Variants in CACTIN observed in about 807,000 individuals in gnomAD.
CACTIN encodes the protein splicing factor Cactin.
In CACTIN, 20 loss-of-function variants were observed where a neutral mutation model predicts 84.9. The observed-to-expected ratio is 0.24, with a 90% CI of 0.17 to 0.34. The LOEUF (loss-of-function observed/expected upper bound fraction) is 0.34. CACTIN is among the 10% of genes least tolerant of loss of function. The pLI, the probability that CACTIN is intolerant of heterozygous loss-of-function variation, is 1.00. For synonymous variants in CACTIN, 549 were observed against 467.9 expected (o/e 1.17, Z -2.24); for missense variants, 897 against 1,117.2 (o/e 0.80, Z 2.81).
In CACTIN at chr19:3,620,162, C is replaced by T. The variant is rs754672253; in HGVS notation, c.849G>A (p.Gln283=). Residue 283 remains glutamine, a synonymous_variant, in exon 4 of 10, where the codon CAG becomes CAA. Transcript: ENST00000429344. Reference sequence around the variant, plus strand: ...CCTGCTGGAGGTGGAAGTTGTCCTCCTGCTCCTCCCATGTCTTGAAGTGCT... The same window carrying T: ...CCTGCTGGAGGTGGAAGTTGTCCTCTTGCTCCTCCCATGTCTTGAAGTGCT... ...EAEHFKTWEE[Q]EDNFHLQQAK... is the part of the protein sequence containing the mutation. 2 of 1,612,008 alleles carry T rather than the reference C, an allele frequency of 1.2e-6. No homozygotes were observed. The highest frequency in any genetic ancestry group is 2.2e-5 in the East Asian group (1 of 44,876).
intron 4 of CACTIN, among the ~76,000 whole-genome samples, chr19:3,619,904 C>T (rs1032490089): frequency 1.3e-5 from 2 of 152,084 alleles, no homozygotes; most frequent in African/African-American, 4.8e-5. Flanking sequence ...GTCCAGCATG[C>T]GTGGGGTGCC....
intron 6 of CACTIN, among the ~76,000 whole-genome samples, chr19:3,618,177 C>CCCGG (rs56057264): frequency 3.7e-5 from 4 of 108,042 alleles, no homozygotes; most frequent in African/African-American, 1.7e-4. Flanking sequence ...GCTTTTAGAC[C>CCCGG]GGGGGGGGGG....
chr19:3,624,319 C>T (rs543982416), intron 1 of CACTIN, among the ~76,000 whole-genome samples, 157 bp from the exon 2 acceptor site: 1 of 152,360 alleles, frequency 6.6e-6, no homozygotes, highest in Admixed American at 6.5e-5. Flanking sequence ...TGGGCTCACC[C>T]TCTGGTGGGC....
At chr19:3,617,871 C>T (rs557859391) in intron 6 of CACTIN, among the ~76,000 whole-genome samples, 1 of 152,308 alleles carries the variant, frequency 6.6e-6, no homozygotes, top group East Asian at 1.9e-4. Context: ...ACTGGAGGGA[C>T]AGGATGGCTG....
In CACTIN at chr19:3,623,973, C is replaced by T. The variant is rs550627659; in HGVS notation, c.357G>A (p.Ala119=). The T allele has an allele frequency of 1.0e-5, 16 of 1,603,884 alleles. No homozygotes were observed. Among genetic ancestry groups the T allele is most frequent in the East Asian group, 6.7e-5 (3 of 44,804 alleles). ...GGGGGCTCTGGGATCGCCCTGGAGA[C>T]GCGGAGCTGGATGCTGAGGAGCTAG... The part of the protein sequence containing the change: ...WSPSSSASSS[A]SPGRSQSPRA... The change falls in exon 2 of 10, where the codon GCG becomes GCA. Residue 119 remains alanine (A), a synonymous_variant. Coordinates refer to ENST00000429344, the MANE Select transcript of CACTIN (RefSeq NM_001080543.2).
At chr19:3,621,325 C>T (rs2033220818) in intron 2 of CACTIN, among the ~76,000 whole-genome samples, 1 of 152,302 alleles carries the variant, frequency 6.6e-6, no homozygotes, top group East Asian at 1.9e-4. Flanking sequence ...CAGGGGTGGC[C>T]ACTGATGGGC....
rs572622781 is a variant in CACTIN at position 3,611,701 on chromosome 19, C to T, written c.*222G>A. ...CCTCCGTTGCATCAGGACCCTAGGCCAGCCTGTCCCAGTGTCTCCTCAGCT... is the reference window on the plus strand; with the variant it reads ...CCTCCGTTGCATCAGGACCCTAGGCTAGCCTGTCCCAGTGTCTCCTCAGCT... On this transcript the variant is annotated 3_prime_UTR_variant, in exon 10 of 10. Transcript: ENST00000429344. The T allele has an allele frequency of 6.0e-4, 383 of 635,880 alleles. 3 individuals are homozygous for T. In the African/African-American group the frequency reaches 6.8e-3, roughly 11 times the overall value. 39.4% of individuals were successfully genotyped at this position (635,880 alleles called of 1,614,324 possible). A position where few individuals can be genotyped will look rare whatever the true frequency, so the allele number is the denominator to read the frequency against.
Position 3,624,069 on chromosome 19 carries a change from C to A in CACTIN, c.261G>T (p.Gln87His), listed in dbSNP as rs2033284810. 25 of 1,602,882 alleles carry A rather than the reference C, an allele frequency of 1.6e-5. No homozygotes were observed. Among genetic ancestry groups the A allele is most frequent in the Non-Finnish European group, 2.1e-5 (25 of 1,179,462 alleles). ...GTGACTGCTCCTCTCCTGAGTCCGACTGAGAGGACCCATCTCTTGAGTGCC... is the reference window on the plus strand; with the variant it reads ...GTGACTGCTCCTCTCCTGAGTCCGAATGAGAGGACCCATCTCTTGAGTGCC... ...PKWHSRDGSS[Q>H]SDSGEEQSRG... Residue 87 changes from glutamine to histidine, a missense_variant, in exon 2 of 10, where the codon CAG becomes CAT. Coordinates refer to ENST00000429344, the MANE Select transcript of CACTIN (RefSeq NM_001080543.2).
In CACTIN at chr19:3,626,752, T is replaced by C. The variant is rs769508468; in HGVS notation, c.11A>G (p.Asp4Gly). 9.7e-6 allele frequency: 14 copies of C among 1,446,836 alleles called. No homozygotes were observed. The highest frequency in any genetic ancestry group is 5.5e-5 in the South Asian group (4 of 72,352). 89.6% of individuals were successfully genotyped at this position (1,446,836 alleles called of 1,614,324 possible). A position where few individuals can be genotyped will look rare whatever the true frequency, so the allele number is the denominator to read the frequency against. Reference protein sequence around the residue: MGRDTRSRSRSAGR... With the variant: MGRGTRSRSRSAGR... Reference sequence around the variant, plus strand: ...CGCGGACCGCGAGCGCGAGCGTGTGTCCCGACCCATCGGCTGGGCCAGTGG... The same window carrying C: ...CGCGGACCGCGAGCGCGAGCGTGTGCCCCGACCCATCGGCTGGGCCAGTGG... Residue 4 changes from aspartate to glycine, a missense_variant, in exon 1 of 10, where the codon GAC becomes GGC. Around this residue, in one of 8 missense-constraint regions of CACTIN, gnomAD observed 261 missense variants for 243.8 expected, o/e 1.07. Transcript: ENST00000429344.
rs1164434422 is a variant in CACTIN at position 3,613,049 on chromosome 19, C to T, written c.1786+9G>A. The T allele has an allele frequency of 1.3e-6, 2 of 1,521,788 alleles. No individual in the cohort carries two copies. The highest frequency in any genetic ancestry group is 2.5e-5 in the South Asian group (2 of 80,742). 94.3% of individuals were successfully genotyped at this position (1,521,788 alleles called of 1,614,324 possible). A position where few individuals can be genotyped will look rare whatever the true frequency, so the allele number is the denominator to read the frequency against. On this transcript the variant is annotated intron_variant, in intron 9 of 9. Transcript: ENST00000429344. ...GGCCCCACCCCCTGGCCTCCAGCCC[C>T]GCCCTTACCCGTGACCTGGAGCTGC...
chr19:3,615,039 G>C lies in CACTIN; in HGVS notation c.1163-450C>G, dbSNP rs2033073257. 4.2e-6 allele frequency: 1 copy of C among 237,422 alleles called. No homozygotes were observed. The highest frequency in any genetic ancestry group is 8.4e-6 in the Non-Finnish European group (1 of 119,012). 14.7% of individuals were successfully genotyped at this position (237,422 alleles called of 1,614,324 possible). A position where few individuals can be genotyped will look rare whatever the true frequency, so the allele number is the denominator to read the frequency against. On this transcript the variant is annotated intron_variant, in intron 6 of 9. Coordinates refer to ENST00000429344, the MANE Select transcript of CACTIN (RefSeq NM_001080543.2). The surrounding 1 kb of genome is among the most constrained non-coding windows in gnomAD (Gnocchi z 5.2). ...TCTGGAATTCAGATCTTCTCTGCCA[G>C]CCTGGGCTGTGTGACTGTGGGCAAG...
At chr19:3,618,817 G>A (rs954916854) in intron 6 of CACTIN, 58 bp downstream of exon 6, 21 of 1,340,628 alleles carry the variant, frequency 1.6e-5, no homozygotes, top group Non-Finnish European at 1.9e-5. Context: ...TGAGGCTTCT[G>A]GGTGAACACT....
chr19:3,620,642 A>C, intron 3 of CACTIN, 65 bp downstream of exon 3: 1 of 1,350,650 alleles, frequency 7.4e-7, no homozygotes, highest in Middle Eastern at 2.2e-4. Flanking sequence ...AGTCCTGCCA[A>C]AGGGGGCGGG....
At chr19:3,621,349 G>C (rs1306750429) in intron 2 of CACTIN, among the ~76,000 whole-genome samples, 1 of 152,126 alleles carries the variant, frequency 6.6e-6, no homozygotes, top group African/African-American at 2.4e-5. Context: ...TCCCAGCCTG[G>C]AGACCCTCAA....
At chr19:3,612,734 G>A (rs2032993454) in intron 9 of CACTIN, 1 of 696,214 alleles carries the variant, frequency 1.4e-6, no homozygotes, top group Non-Finnish European at 2.6e-6. Context: ...ACCCCCGAGG[G>A]GGTCCTGGCC....
chr19:3,619,303 C>G, intron 4 of CACTIN, 61 bp from the exon 5 acceptor site: 1 of 1,567,652 alleles, frequency 6.4e-7, no homozygotes, highest in South Asian at 1.2e-5. Context: ...GCTAAAGACC[C>G]TGCCCTTGGG....
intron 3 of CACTIN, 97 bp downstream of exon 3, chr19:3,620,610 G>T: frequency 1.1e-6 from 1 of 939,366 alleles, no homozygotes. Context: ...CAGCCCCCAG[G>T]ACTTCCCACT....
In CACTIN at chr19:3,610,893, G is replaced by A. The variant is rs760035627; in HGVS notation, c.*1030C>T. On this transcript the variant is annotated 3_prime_UTR_variant, in exon 10 of 10. Transcript: ENST00000429344. ...TGCTTCTGTTGGAGATGTTCCCGTC[G>A]GATGCTGAAGAACAAGCCTGCCGGC... is the stretch of plus-strand genomic sequence containing the variant. 1.3e-5 allele frequency: 6 copies of A among 456,762 alleles called. No homozygotes were observed. The highest frequency in any genetic ancestry group is 6.9e-5 in the East Asian group (1 of 14,394). 28.3% of individuals were successfully genotyped at this position (456,762 alleles called of 1,614,324 possible).
At chr19:3,617,642 G>A (rs1460581635) in intron 6 of CACTIN, among the ~76,000 whole-genome samples, 2 of 152,028 alleles carry the variant, frequency 1.3e-5, no homozygotes, top group African/African-American at 4.8e-5. Flanking sequence ...AGGAGAGGGC[G>A]GGGCCTAGGG....
Sources: allele counts gnomAD v4.1 joint callset (sites outside exome capture counted in the v4.1 genomes callset), GRCh38; gene constraint gnomAD v4.1.1; regional missense constraint gnomAD v4.1.1; non-coding constraint Gnocchi (gnomAD v3.1); transcripts MANE v1.5; gene names NCBI Gene and HGNC (gene_info 2026-07-23, HGNC 2026-07-21).